Variants in SLC25A15 observed in about 807,000 individuals in gnomAD.
SLC25A15 encodes the protein mitochondrial ornithine transporter 1.
A neutral mutation model predicts 32.3 loss-of-function variants in SLC25A15; 24 were observed. The observed-to-expected ratio is 0.74, with a 90% CI of 0.54 to 1.04. The LOEUF (loss-of-function observed/expected upper bound fraction) is 1.04, where lower values mean the gene tolerates loss of function less well. SLC25A15 is among the 50% of genes least tolerant of loss of function. SLC25A15 has a pLI of 0.00. For synonymous variants in SLC25A15, 132 were observed against 142.1 expected (o/e 0.93, Z 0.51); for missense variants, 317 against 374.5 (o/e 0.85, Z 1.27).
At chr13:40,801,519 G>A (rs1207882745) in intron 3 of SLC25A15, among the ~76,000 whole-genome samples, 1 of 152,150 alleles carries the variant, frequency 6.6e-6, no homozygotes, top group Non-Finnish European at 1.5e-5. Flanking sequence ...CCCCGCTAAG[G>A]ACTTGAAATT....
Position 40,810,061 on chromosome 13 carries a change from C to A in SLC25A15, c.*394C>A. ...TGTTTATTTCAAATATCAGAAAAAC[C>A]CAGAGGTGATCATTTCTCATGAAGA... On this transcript the variant is annotated 3_prime_UTR_variant, in exon 7 of 7. Coordinates refer to ENST00000338625, the MANE Select transcript of SLC25A15 (RefSeq NM_014252.4). 1.1e-5 allele frequency: 3 copies of A among 267,218 alleles called. No individual in the cohort carries two copies. The highest frequency in any genetic ancestry group is 7.3e-6 in the Non-Finnish European group (1 of 137,004). The allele number at this position is 267,218 out of a possible 1,614,324, so 16.6% of individuals were successfully genotyped here. A position where few individuals can be genotyped will look rare whatever the true frequency, so the allele number is the denominator to read the frequency against.
chr13:40,795,523 T>C (rs111246778), intron 2 of SLC25A15, among the ~76,000 whole-genome samples: 21 of 152,298 alleles, frequency 1.4e-4, no homozygotes, highest in African/African-American at 4.8e-4. Context: ...ACTGACACAC[T>C]GTCCCCATCA....
At chr13:40,806,541 G>A (rs1456812717) in intron 4 of SLC25A15, among the ~76,000 whole-genome samples, 5 of 152,202 alleles carry the variant, frequency 3.3e-5, no homozygotes, top group Non-Finnish European at 7.3e-5. Context: ...AGTGCTGCAG[G>A]AAGGGCTGGC....
intron 2 of SLC25A15, among the ~76,000 whole-genome samples, chr13:40,794,890 AGT>A (rs910573043): frequency 2.0e-5 from 3 of 152,154 alleles, no homozygotes; most frequent in African/African-American, 4.8e-5. Flanking sequence ...AGAAGAGCAA[AGT>A]GTTTTTCCAT....
intron 3 of SLC25A15, among the ~76,000 whole-genome samples, chr13:40,804,687 A>G (rs894828574): frequency 2.7e-5 from 4 of 149,410 alleles, no homozygotes; most frequent in East Asian, 2.0e-4. Flanking sequence ...GACTACAGGC[A>G]CCCACCACTA....
rs1593295438 is a variant in SLC25A15 at position 40,807,575 on chromosome 13, A to G, written c.622+112A>G. On this transcript the variant is annotated intron_variant, in intron 5 of 6. Transcript: ENST00000338625. ...CTCTCCTCCCCACATTGGTGGCTCC[A>G]TCTGGCACAGGGAAGCTTCTGGATG... The G allele has an allele frequency of 1.1e-5, 13 of 1,229,384 alleles. 1 individual carries two copies. In the South Asian group the frequency reaches 1.3e-4, roughly 13 times the overall value. The allele number at this position is 1,229,384 out of a possible 1,614,324, so 76.2% of individuals were successfully genotyped here.
chr13:40,791,361 A>AT (rs1406944487), intron 1 of SLC25A15, among the ~76,000 whole-genome samples: 32 of 139,306 alleles, frequency 2.3e-4, no homozygotes, highest in African/African-American at 8.9e-4. Context: ...TATTATTATT[A>AT]TTATTTTTTT....
In SLC25A15 at chr13:40,799,176, G is replaced by A. The variant is rs1206371362; in HGVS notation, c.175G>A (p.Gly59Ser). ...DCCLKTYSQV[G>S]FRGFYKGTSP... ...CTGCCTGAAGACTTACTCCCAGGTGGGCTTCCGTGGCTTCTACAAGGGTAC... is the reference window on the plus strand; with the variant it reads ...CTGCCTGAAGACTTACTCCCAGGTGAGCTTCCGTGGCTTCTACAAGGGTAC... The change falls in exon 3 of 7, where the codon GGC becomes AGC. Residue 59 changes from glycine to serine, a missense_variant. By Grantham distance (56) the Gly-to-Ser change is moderately conservative (BLOSUM62 0). Transcript: ENST00000338625. The A allele has an allele frequency of 6.2e-7, 1 of 1,614,054 alleles. No homozygotes were observed. Among genetic ancestry groups the A allele is most frequent in the African/African-American group, 1.3e-5 (1 of 74,898 alleles).
At chr13:40,795,902 A>C (rs186075296) in intron 2 of SLC25A15, among the ~76,000 whole-genome samples, 175 of 152,268 alleles carry the variant, frequency 1.1e-3, no homozygotes, top group African/African-American at 3.8e-3. Context: ...ACACAGCAAG[A>C]TGGTGTGAAG....
At chr13:40,794,258 T>C (rs1334881535) in intron 2 of SLC25A15, among the ~76,000 whole-genome samples, 1 of 151,772 alleles carries the variant, frequency 6.6e-6, no homozygotes, top group African/African-American at 2.4e-5. Flanking sequence ...GAGAATCGCT[T>C]GAACCCCGGA....
intron 3 of SLC25A15, among the ~76,000 whole-genome samples, chr13:40,804,382 G>A (rs762638923): frequency 3.3e-5 from 5 of 152,220 alleles, no homozygotes; most frequent in Non-Finnish European, 7.4e-5. Flanking sequence ...AGGAAGACCT[G>A]GGTTCACATC....
At position 40,793,201 on chromosome 13, in the gene SLC25A15, C is replaced by T; in HGVS notation, c.-26C>T. The T allele has an allele frequency of 6.2e-7, 1 of 1,613,892 alleles. No homozygotes were observed. Among genetic ancestry groups the T allele is most frequent in the Non-Finnish European group, 8.5e-7 (1 of 1,179,868 alleles). ...ATAAGCTCCAGAGAGCTGCCTTCCA[C>T]AAGACCAGCAGAAGAGTGGGCAAAC... On this transcript the variant is annotated 5_prime_UTR_variant, in exon 2 of 7. Coordinates refer to ENST00000338625, the MANE Select transcript of SLC25A15 (RefSeq NM_014252.4).
intron 3 of SLC25A15, among the ~76,000 whole-genome samples, chr13:40,804,801 C>T (rs1398902773): frequency 6.6e-6 from 1 of 151,878 alleles, no homozygotes. Flanking sequence ...CCGCCCGCCT[C>T]GGCCTCCCAG....
chr13:40,802,578 C>CTTT (rs796900075), intron 3 of SLC25A15, among the ~76,000 whole-genome samples: 1 of 141,176 alleles, frequency 7.1e-6, no homozygotes, highest in African/African-American at 2.6e-5. Flanking sequence ...TCCATCTGTG[C>CTTT]TTTTTTTTTT....
chr13:40,799,481 A>G (rs1881800112), intron 3 of SLC25A15, among the ~76,000 whole-genome samples, 166 bp downstream of exon 3: 1 of 152,042 alleles, frequency 6.6e-6, no homozygotes, highest in African/African-American at 2.4e-5. Flanking sequence ...CAAGATCCTC[A>G]TCTCTACAAA....
In SLC25A15 at chr13:40,807,354, T is replaced by G. The variant is rs200321784; in HGVS notation, c.513T>G (p.His171Gln). 6.2e-7 allele frequency: 1 copy of G among 1,614,100 alleles called. No individual in the cohort carries two copies. The highest frequency in any genetic ancestry group is 1.3e-5 in the African/African-American group (1 of 75,036). Residue 171 changes from histidine to glutamine, a missense_variant, in exon 5 of 7, where the codon CAT becomes CAG. Physicochemically the swap from His to Gln is conservative, Grantham distance 24 (BLOSUM62 0). Coordinates refer to ENST00000338625, the MANE Select transcript of SLC25A15 (RefSeq NM_014252.4). ...LRKDGPLGFY[H>Q]GLSSTLLREV... ...AAGATGGCCCCTTGGGGTTCTACCATGGACTCTCAAGCACTTTACTTCGAG... is the reference window on the plus strand; with the variant it reads ...AAGATGGCCCCTTGGGGTTCTACCAGGGACTCTCAAGCACTTTACTTCGAG...
chr13:40,794,067 G>A (rs1308034973), intron 2 of SLC25A15, among the ~76,000 whole-genome samples: 6 of 152,322 alleles, frequency 3.9e-5, no homozygotes, highest in Admixed American at 2.0e-4. Flanking sequence ...AAGGCTGGGC[G>A]CAGTGGCTCA....
At chr13:40,805,659 T>A (rs1374268731) in intron 4 of SLC25A15, among the ~76,000 whole-genome samples, 1 of 152,230 alleles carries the variant, frequency 6.6e-6, no homozygotes, top group East Asian at 1.9e-4. Context: ...TCAGGTTTCG[T>A]ATGGGTATTC....
intron 2 of SLC25A15, among the ~76,000 whole-genome samples, chr13:40,796,030 C>A (rs1253635380): frequency 1.3e-5 from 2 of 152,124 alleles, no homozygotes; most frequent in Non-Finnish European, 2.9e-5. Context: ...AGCCTTTGGG[C>A]CCTGCCTTTC....
Sources: allele counts gnomAD v4.1 joint callset (sites outside exome capture counted in the v4.1 genomes callset), GRCh38; gene constraint gnomAD v4.1.1; transcripts MANE v1.5; gene names NCBI Gene and HGNC (gene_info 2026-07-23, HGNC 2026-07-21).